Variants in FAM25A observed in about 807,000 individuals in gnomAD.
The protein encoded by FAM25A is family with sequence similarity 25 member A, also known as protein FAM25A.
Under a neutral mutation model 6.6 loss-of-function variants are expected in FAM25A, and 5 were observed. That is an observed-to-expected ratio of 0.75 (90% CI 0.39 to 1.59). The LOEUF is 1.59. Among genes scored for constraint, FAM25A ranks in the 40% most tolerant of loss-of-function variants. The pLI, the probability that FAM25A is intolerant of heterozygous loss-of-function variation, is 0.02. For missense variants in FAM25A, 93 were observed against 109.7 expected (o/e 0.85, Z 0.68); for synonymous variants, 36 against 41.3 (o/e 0.87, Z 0.49).
chr10:87,020,867 C>T (rs1402960128), intron 1 of FAM25A, among the ~76,000 whole-genome samples: 2 of 152,134 alleles, frequency 1.3e-5, no homozygotes, highest in Non-Finnish European at 2.9e-5. Flanking sequence ...TGCTCTGGCA[C>T]CCAGGCTGGA....
Position 87,022,386 on chromosome 10 carries a change from G to T in FAM25A, c.136+10G>T. On this transcript the variant is annotated intron_variant, in intron 2 of 2. Transcript: ENST00000343959. ...GAGACTGGAGAGAAAGGTACAGCTG[G>T]CTGAGGTCGGGCAGGGAAGGAGGGA... 1.9e-6 allele frequency: 3 copies of T among 1,547,830 alleles called. No individual in the cohort carries two copies. Among genetic ancestry groups the T allele is most frequent in the Non-Finnish European group, 2.6e-6 (3 of 1,146,704 alleles).
intron 2 of FAM25A, among the ~76,000 whole-genome samples, chr10:87,023,566 C>T (rs1171598237): frequency 6.6e-6 from 1 of 151,896 alleles, no homozygotes; most frequent in African/African-American, 2.4e-5. Context: ...ACTAAAAATA[C>T]GAAAACCAGC....
chr10:87,021,306 C>A (rs796151866), intron 1 of FAM25A, among the ~76,000 whole-genome samples: 2 of 152,210 alleles, frequency 1.3e-5, no homozygotes, highest in Admixed American at 6.5e-5. Context: ...CTGCTTTAAC[C>A]TTTCACTAGC....
rs1403228569 is a variant in FAM25A at position 87,024,575 on chromosome 10, A to G, written c.171A>G (p.Ser57=). ...AAGCCATAAAGAAAGCCCAAGAGTC[A>G]GGGGACAAAAAGATGAAGGAAATCA... The part of the protein sequence containing the change: ...IAEAIKKAQE[S]GDKKMKEITE... Residue 57 remains serine, a synonymous_variant, in exon 3 of 3, where the codon TCA becomes TCG. Transcript: ENST00000343959. 13 of 1,535,824 alleles carry G rather than the reference A, an allele frequency of 8.5e-6. No individual in the cohort carries two copies. The highest frequency in any genetic ancestry group is 8.7e-6 in the Non-Finnish European group (10 of 1,146,908).
chr10:87,022,883 T>C (rs1311661774), intron 2 of FAM25A, among the ~76,000 whole-genome samples: 4 of 140,822 alleles, frequency 2.8e-5, no homozygotes, highest in Admixed American at 7.4e-5. Flanking sequence ...GCCTAGATCA[T>C]GCCACTGCAC....
Position 87,024,556 on chromosome 10 carries a change from T to G in FAM25A, c.152T>G (p.Ile51Arg), listed in dbSNP as rs1347391794. The G allele has an allele frequency of 1.1e-5, 17 of 1,535,534 alleles. No homozygotes were observed. Among genetic ancestry groups the G allele is most frequent in the Middle Eastern group, 2.3e-4 (1 of 4,386 alleles). Residue 51 changes from isoleucine (I) to arginine (R), a missense_variant, in exon 3 of 3, where the codon ATA becomes AGA. By Grantham distance (97) the Ile-to-Arg change is moderately conservative. Transcript: ENST00000343959. ...TTTCCAACAGCCATTGCTGAAGCCA[T>G]AAAGAAAGCCCAAGAGTCAGGGGAC... ...ETGEKAIAEAIKKAQESGDKK... is the reference protein window; with the variant it reads ...ETGEKAIAEARKKAQESGDKK...
intron 1 of FAM25A, among the ~76,000 whole-genome samples, chr10:87,021,358 G>T (rs7100043): frequency 6.6e-6 from 1 of 152,066 alleles, no homozygotes; most frequent in African/African-American, 2.4e-5. Flanking sequence ...AAAGCTGAGT[G>T]TTGGGAGAGA....
In FAM25A at chr10:87,020,356, A is replaced by G; in HGVS notation, c.32A>G (p.Glu11Gly). 1 of 1,549,336 alleles carries G rather than the reference A, an allele frequency of 6.5e-7. No individual in the cohort carries two copies. The highest frequency in any genetic ancestry group is 1.2e-5 in the South Asian group (1 of 83,950). Residue 11 changes from glutamate (E) to glycine (G), a missense_variant, in exon 1 of 3, where the codon GAA (glutamate) becomes GGA (glycine). By Grantham distance (98) the Glu-to-Gly change is moderately conservative (BLOSUM62 -2). Transcript: ENST00000343959. MLGGLGKLAAEGLAHRTEKAT... is the reference protein window; with the variant it reads MLGGLGKLAAGGLAHRTEKAT... ...GGAGGCCTGGGGAAGCTGGCTGCCG[A>G]AGGCCTGGCCCACCGCACCGAGAAG...
chr10:87,020,296 C>T lies in FAM25A; in HGVS notation c.-29C>T. 2 of 1,549,548 alleles carry T rather than the reference C, an allele frequency of 1.3e-6. No individual in the cohort carries two copies. The highest frequency in any genetic ancestry group is 2.4e-5 in the South Asian group (2 of 83,960). On this transcript the variant is annotated 5_prime_UTR_variant, in exon 1 of 3. Transcript: ENST00000343959. ...AGCATGTTGGGCCAGTCCTCAGCAT[C>T]CTAGTTCACCACTGTCTGCTGCCAC...
intron 2 of FAM25A, among the ~76,000 whole-genome samples, chr10:87,023,551 T>C (rs1845349847): frequency 2.6e-5 from 4 of 152,010 alleles, no homozygotes; most frequent in African/African-American, 7.2e-5. Context: ...TGAAACCCCG[T>C]TGCTACTAAA....
In FAM25A at chr10:87,024,679, A is replaced by G. The variant is rs1182568978; in HGVS notation, c.*5A>G. ...CTGGACAAACTTGGACAGTGAGTGCACCTGCTACCACGGCCCTTCCCCAGT... is the reference window on the plus strand; with the variant it reads ...CTGGACAAACTTGGACAGTGAGTGCGCCTGCTACCACGGCCCTTCCCCAGT... On this transcript the variant is annotated 3_prime_UTR_variant, in exon 3 of 3. Coordinates refer to ENST00000343959, the MANE Select transcript of FAM25A (RefSeq NM_001146157.3). The G allele has an allele frequency of 7.2e-6, 11 of 1,535,642 alleles. No homozygotes were observed. The Admixed American group carries it at 1.2e-4, about 16-fold the overall frequency.
At chr10:87,021,987 C>T (rs1203777026) in intron 1 of FAM25A, among the ~76,000 whole-genome samples, 1 of 152,202 alleles carries the variant, frequency 6.6e-6, no homozygotes, top group Non-Finnish European at 1.5e-5. Context: ...CATTCCAGGC[C>T]GGGCAGGGCC....
At chr10:87,022,413 G>A in intron 2 of FAM25A, 37 bp downstream of exon 2, 1 of 1,534,744 alleles carries the variant, frequency 6.5e-7, no homozygotes. Flanking sequence ...AAGGAGGGAG[G>A]GAGCAAGGGA....
intron 1 of FAM25A, 114 bp downstream of exon 1, chr10:87,020,511 C>G (rs1845321104): frequency 7.4e-7 from 1 of 1,360,386 alleles, no homozygotes; most frequent in Non-Finnish European, 1.0e-6. Context: ...CTTGGCCCCT[C>G]AGGAACCCTG....
chr10:87,023,015 C>T lies in FAM25A; in HGVS notation c.136+639C>T, dbSNP rs1188639699. Among the ~76,000 whole-genome samples, 11 of 150,646 alleles carry T rather than the reference C, an allele frequency of 7.3e-5. No individual in the cohort carries two copies. The South Asian group carries it at 1.1e-3, about 14-fold the overall frequency. On this transcript the variant is annotated intron_variant, in intron 2 of 2. Transcript: ENST00000343959. Reference sequence around the variant, plus strand: ...TTGGGAGCCTGAGGTGGGCGGATCACGAGGTCAGGAGATCCAGACCACGGT... The same window carrying T: ...TTGGGAGCCTGAGGTGGGCGGATCATGAGGTCAGGAGATCCAGACCACGGT...
chr10:87,024,090 C>CA (rs1298822338), intron 2 of FAM25A, among the ~76,000 whole-genome samples: 15 of 146,602 alleles, frequency 1.0e-4, no homozygotes, highest in African/African-American at 2.5e-4. Context: ...AGAACCATGA[C>CA]AAAAAAATCA....
intron 2 of FAM25A, among the ~76,000 whole-genome samples, chr10:87,022,986 C>A (rs1845344127): frequency 6.7e-6 from 1 of 150,062 alleles, no homozygotes; most frequent in East Asian, 2.0e-4. Context: ...GTGATCCCAG[C>A]ACTTTGGGAG....
chr10:87,023,200 G>A (rs970937075), intron 2 of FAM25A, among the ~76,000 whole-genome samples: 4 of 150,244 alleles, frequency 2.7e-5, no homozygotes, highest in South Asian at 2.1e-4. Flanking sequence ...CAGCCTGGGC[G>A]ACAGTGTGAT....
rs548262247 is a variant in FAM25A at position 87,021,339 on chromosome 10, G to C, written c.73+942G>C. On this transcript the variant is annotated intron_variant, in intron 1 of 2. Transcript: ENST00000343959. ...AGCCTCTGAGTTTTGTATGATTCCT[G>C]TTGGGAGAAAAGCTGAGTGTTGGGA... 1.8e-4 allele frequency among the ~76,000 whole-genome samples: 27 copies of C among 152,330 alleles called. 1 individual carries two copies. The South Asian group carries it at 4.6e-3, about 26-fold the overall frequency.
Sources: allele counts gnomAD v4.1 joint callset (sites outside exome capture counted in the v4.1 genomes callset), GRCh38; gene constraint gnomAD v4.1.1; transcripts MANE v1.5; gene names NCBI Gene and HGNC (gene_info 2026-07-23, HGNC 2026-07-21).